The following GRID2 variants were observed in gnomAD, a reference collection of about 807,000 sequenced individuals.
The protein encoded by GRID2 is glutamate ionotropic receptor delta type subunit 2.
GRID2 carries 33 observed loss-of-function variants against 114.8 expected under a neutral mutation model. The observed-to-expected ratio is 0.29, with a 90% confidence interval of 0.22 to 0.38. GRID2 has a LOEUF of 0.38. Among genes scored for constraint, GRID2 ranks in the 10% least tolerant of loss-of-function variants. The pLI, the probability that GRID2 is intolerant of heterozygous loss-of-function variation, is 1.00. For missense variants in GRID2, 1,184 were observed against 1,257.7 expected (o/e 0.94, Z 0.89); for synonymous variants, 505 against 449.9 (o/e 1.12, Z -1.55).
intron 2 of GRID2, among the ~76,000 whole-genome samples, chr4:92,758,377 C>T (rs1363368219): frequency 2.6e-5 from 4 of 151,990 alleles, no homozygotes; most frequent in Admixed American, 2.0e-4. Flanking sequence ...TATTTGGAAA[C>T]CAACAAGAAC....
intron 2 of GRID2, among the ~76,000 whole-genome samples, chr4:92,800,058 C>T (rs1310079829): frequency 6.6e-6 from 1 of 151,936 alleles, no homozygotes; most frequent in Admixed American, 6.6e-5. Flanking sequence ...AGTTCTTTTT[C>T]ATATGCTATA....
At chr4:93,378,991 C>T (rs1295158096) in intron 8 of GRID2, among the ~76,000 whole-genome samples, 1 of 152,106 alleles carries the variant, frequency 6.6e-6, no homozygotes, top group African/African-American at 2.4e-5. Flanking sequence ...TCTTCAGTAA[C>T]CTGTGATCTA....
chr4:93,066,441 C>G (rs1418778651), intron 2 of GRID2, among the ~76,000 whole-genome samples: 1 of 151,866 alleles, frequency 6.6e-6, no homozygotes, highest in African/African-American at 2.4e-5. Flanking sequence ...ACAGAAATGA[C>G]TACTTTTCCA....
intron 14 of GRID2, among the ~76,000 whole-genome samples, chr4:93,705,474 G>A (rs1727915548): frequency 6.6e-6 from 1 of 151,800 alleles, no homozygotes; most frequent in Non-Finnish European, 1.5e-5. Flanking sequence ...TGGGATTACA[G>A]GCACCCACCA....
At position 92,477,957 on chromosome 4, in the gene GRID2, A is replaced by G. The variant is rs1722400473; in HGVS notation, c.89-112174A>G. ...GTACTATACAAGAGTTACATCTTTT[A>G]CAGAACAACATAGGCCCTAGAAATA... is the stretch of plus-strand genomic sequence containing the variant. On this transcript the variant is annotated intron_variant, in intron 1 of 15. Coordinates refer to ENST00000282020, the MANE Select transcript of GRID2 (RefSeq NM_001510.4). 1.3e-5 allele frequency among the ~76,000 whole-genome samples: 2 copies of G among 151,380 alleles called. 1 individual carries two copies. The highest frequency in any genetic ancestry group is 3.0e-5 in the Non-Finnish European group (2 of 67,766).
chr4:92,915,474 T>C (rs1377821375), intron 2 of GRID2, among the ~76,000 whole-genome samples: 1 of 152,140 alleles, frequency 6.6e-6, no homozygotes, highest in African/African-American at 2.4e-5. Flanking sequence ...TACTATTAGC[T>C]TTACAATATG....
At chr4:93,241,429 T>C (rs1747498496) in intron 8 of GRID2, among the ~76,000 whole-genome samples, 1 of 151,784 alleles carries the variant, frequency 6.6e-6, no homozygotes, top group Non-Finnish European at 1.5e-5. Flanking sequence ...ACTATACTAC[T>C]ATATATTTAT....
intron 1 of GRID2, among the ~76,000 whole-genome samples, chr4:92,323,438 G>T (rs1048424552): frequency 6.6e-6 from 1 of 151,976 alleles, no homozygotes; most frequent in Non-Finnish European, 1.5e-5. Flanking sequence ...TCATGTAGAA[G>T]TCATTAGATT....
intron 2 of GRID2, among the ~76,000 whole-genome samples, chr4:92,735,702 T>A (rs528961498): frequency 1.4e-4 from 21 of 152,162 alleles, no homozygotes; most frequent in Non-Finnish European, 2.8e-4. Context: ...TGTATGAATG[T>A]TTCCTAGAAA....
At chr4:93,315,836 T>C (rs1756523730) in intron 8 of GRID2, among the ~76,000 whole-genome samples, 1 of 152,196 alleles carries the variant, frequency 6.6e-6, no homozygotes, top group Admixed American at 6.6e-5. Flanking sequence ...GAGTTCCTAC[T>C]TTAGGTTCAG....
chr4:92,600,032 GTGTGTGTGTGTGTATATA>G (rs1389702192), intron 2 of GRID2, among the ~76,000 whole-genome samples: 32 of 73,008 alleles, frequency 4.4e-4, no homozygotes, highest in Non-Finnish European at 8.0e-4. Flanking sequence ...GTATGTGTGT[GTGTGTGTGTGTGTATATA>G]TATATATATA....
intron 2 of GRID2, among the ~76,000 whole-genome samples, chr4:92,792,246 G>T (rs1739625086): frequency 6.6e-6 from 1 of 151,724 alleles, no homozygotes; most frequent in African/African-American, 2.4e-5. Flanking sequence ...AAGGACTCCA[G>T]TGGACCTCAA....
At chr4:92,536,779 G>A (rs144406411) in intron 1 of GRID2, among the ~76,000 whole-genome samples, 1 of 152,174 alleles carries the variant, frequency 6.6e-6, no homozygotes, top group East Asian at 1.9e-4. Context: ...AGAAATGGAT[G>A]GCAATAAATG....
At chr4:92,984,786 A>G (rs1319436944) in intron 2 of GRID2, among the ~76,000 whole-genome samples, 4 of 148,602 alleles carry the variant, frequency 2.7e-5, no homozygotes, top group Admixed American at 2.0e-4. Context: ...TTTTTTTCCC[A>G]GTCTTGACAA....
At chr4:92,800,468 C>G (rs1195315960) in intron 2 of GRID2, among the ~76,000 whole-genome samples, 1 of 151,760 alleles carries the variant, frequency 6.6e-6, no homozygotes, top group Non-Finnish European at 1.5e-5. Context: ...ATAGAGTAAG[C>G]AAATAGGAAA....
chr4:93,376,217 A>G (rs754779734), intron 8 of GRID2, among the ~76,000 whole-genome samples: 26 of 145,942 alleles, frequency 1.8e-4, no homozygotes, highest in Non-Finnish European at 2.6e-4. Flanking sequence ...AGCTCATTAA[A>G]TGAATGGAAG....
At chr4:93,589,621 T>A (rs1357415452) in intron 13 of GRID2, among the ~76,000 whole-genome samples, 1 of 151,828 alleles carries the variant, frequency 6.6e-6, no homozygotes, top group Non-Finnish European at 1.5e-5. Context: ...CCCTGAGGAA[T>A]CGCCACACTG....
At chr4:92,603,366 A>G (rs1241208306) in intron 2 of GRID2, among the ~76,000 whole-genome samples, 1 of 152,128 alleles carries the variant, frequency 6.6e-6, no homozygotes, top group Non-Finnish European at 1.5e-5. Flanking sequence ...CCAATGGAAC[A>G]CAACAGAGAT....
rs763503476 is a variant in GRID2 at position 93,769,246 on chromosome 4, C to A, written c.2397C>A (p.Ile799=). ...TTCAGCAGAATGGTGACATGGACATCCTGAAGCACAAATGGTGGCCTAAGA... is the reference window on the plus strand; with the variant it reads ...TTCAGCAGAATGGTGACATGGACATACTGAAGCACAAATGGTGGCCTAAGA... ...LELQQNGDMD[I]LKHKWWPKNG... is the part of the protein sequence containing the mutation. Residue 799 remains isoleucine, a synonymous_variant, in exon 15 of 16, where the codon ATC becomes ATA. Coordinates refer to ENST00000282020, the MANE Select transcript of GRID2 (RefSeq NM_001510.4). 19 of 1,613,574 alleles carry A rather than the reference C, an allele frequency of 1.2e-5. No homozygotes were observed. Among genetic ancestry groups the A allele is most frequent in the Non-Finnish European group, 1.5e-5 (18 of 1,179,606 alleles).
Sources: gnomAD v4.1 joint callset for allele counts (sites outside exome capture counted in the v4.1 genomes callset) on GRCh38, gnomAD v4.1.1 for gene constraint, MANE v1.5 for transcripts, NCBI Gene and HGNC (gene_info 2026-07-23, HGNC 2026-07-21) for gene names.